Variants in ZBTB17 observed in about 807,000 individuals in gnomAD.
ZBTB17 encodes the protein zinc finger and BTB domain containing 17.
A neutral mutation model predicts 85.1 loss-of-function variants in ZBTB17; 24 were observed. The observed-to-expected ratio is 0.28, with a 90% CI of 0.20 to 0.40. The LOEUF is 0.40. ZBTB17 is among the 10% of genes least tolerant of loss of function. The probability of loss-of-function intolerance (pLI) is 1.00; values close to 1 mark genes in which losing one functional copy is unlikely to be tolerated. For synonymous variants in ZBTB17, 464 were observed against 460.2 expected (o/e 1.01, Z -0.11); for missense variants, 743 against 1,105.1 (o/e 0.67, Z 4.65).
In ZBTB17 at chr1:15,942,524, C is replaced by T. The variant is rs1166143191; in HGVS notation, c.2038+5G>A. 2.5e-6 allele frequency: 4 copies of T among 1,610,368 alleles called. No individual in the cohort carries two copies. The highest frequency in any genetic ancestry group is 2.7e-5 in the African/African-American group (2 of 74,952). ...TGACTTCCCTCTGCTGCCCACAGCC[C>T]GCACCTGTGAGCTGAGTGACGGCTG... On this transcript the variant is annotated splice_donor_5th_base_variant and intron_variant, in intron 14 of 15. Coordinates refer to ENST00000375743, the MANE Select transcript of ZBTB17 (RefSeq NM_003443.3).
intron 2 of ZBTB17, among the ~76,000 whole-genome samples, chr1:15,962,911 C>T (rs2072311264): frequency 6.6e-6 from 1 of 152,054 alleles, no homozygotes; most frequent in Non-Finnish European, 1.5e-5. Flanking sequence ...TATGAGTAAC[C>T]ACTGCACTCC....
At chr1:15,960,790 G>C (rs894041471) in intron 2 of ZBTB17, among the ~76,000 whole-genome samples, 4 of 152,238 alleles carry the variant, frequency 2.6e-5, no homozygotes, top group Admixed American at 2.0e-4. Flanking sequence ...ACTGGAAATG[G>C]ATGTAGCTGG....
intron 2 of ZBTB17, among the ~76,000 whole-genome samples, chr1:15,955,025 G>A (rs944191040): frequency 5.3e-5 from 8 of 151,822 alleles, no homozygotes; most frequent in African/African-American, 1.7e-4. Flanking sequence ...GTGGTGGTGC[G>A]CACCTGTAGT....
In ZBTB17 at chr1:15,944,438, C is replaced by T. The variant is rs761479272; in HGVS notation, c.1233G>A (p.Val411=). Residue 411 remains valine (V), a synonymous_variant, in exon 9 of 16, where the codon GTG becomes GTA. Transcript: ENST00000375743. ...TSGNLKRHQL[V]HSGEKPYQCD... The stretch of plus-strand genomic sequence containing the variant: ...ACTGGTAGGGCTTCTCGCCGCTGTG[C>T]ACCAGCTGGTGGCGCTTGAGGTTGC... 9 of 1,573,894 alleles carry T rather than the reference C, an allele frequency of 5.7e-6. No homozygotes were observed. Among genetic ancestry groups the T allele is most frequent in the Admixed American group, 1.9e-5 (1 of 53,560 alleles).
intron 2 of ZBTB17, among the ~76,000 whole-genome samples, chr1:15,963,794 G>C (rs1185532355): frequency 6.6e-6 from 1 of 152,110 alleles, no homozygotes; most frequent in Non-Finnish European, 1.5e-5. Flanking sequence ...AACAAATGCT[G>C]AACTAATGAT....
At position 15,942,037 on chromosome 1, in the gene ZBTB17, C is replaced by G; in HGVS notation, c.2344G>C (p.Ala782Pro). The change falls in exon 16 of 16, where the codon GCT (alanine) becomes CCT (proline). Residue 782 changes from alanine to proline, a missense_variant. Transcript: ENST00000375743. ...TCTGCCAGTGCGGGCTGGCCCTCAG[C>G]CCCGTCGCGAGGGCGGAAGACCAGC... ...GELVFRPRDG[A>P]EGQPALAETS... is the part of the protein sequence containing the mutation. The G allele has an allele frequency of 6.2e-7, 1 of 1,610,886 alleles. No homozygotes were observed. The highest frequency in any genetic ancestry group is 8.5e-7 in the Non-Finnish European group (1 of 1,179,944).
At chr1:15,969,531 G>C in intron 2 of ZBTB17, 1 of 350,572 alleles carries the variant, frequency 2.9e-6, no homozygotes, top group Non-Finnish European at 5.6e-6. Context: ...CGAGGCAGTA[G>C]TGTGGGGACT....
In ZBTB17 at chr1:15,951,596, C is replaced by T. The variant is rs895702460; in HGVS notation, c.-2-3099G>A. Among the ~76,000 whole-genome samples the T allele has an allele frequency of 2.6e-5, 4 of 152,266 alleles. No individual in the cohort carries two copies. Among genetic ancestry groups the T allele is most frequent in the African/African-American group, 9.6e-5 (4 of 41,544 alleles). On this transcript the variant is annotated intron_variant, in intron 2 of 15. Transcript: ENST00000375743. This position sits in a 1 kb window ranked among gnomAD's most constrained non-coding sequence, Gnocchi z 4.1. ...CTTTAACAGCCCCTCTCTCAAGGCC[C>T]GTGGCGAGACGGAGGCATGGCCGGC...
intron 2 of ZBTB17, among the ~76,000 whole-genome samples, chr1:15,955,079 G>A (rs948111772): frequency 6.6e-6 from 1 of 151,426 alleles, no homozygotes; most frequent in Non-Finnish European, 1.5e-5. Context: ...ACTTGAACCC[G>A]GGAGGCGGAG....
intron 2 of ZBTB17, among the ~76,000 whole-genome samples, chr1:15,959,972 A>G (rs1313148052): frequency 6.6e-6 from 1 of 152,218 alleles, no homozygotes; most frequent in East Asian, 1.9e-4. Context: ...GAATCAATGT[A>G]TCACTCAGGA....
At chr1:15,944,637 T>C in intron 8 of ZBTB17, 37 bp from the exon 9 acceptor site, 1 of 1,600,822 alleles carries the variant, frequency 6.2e-7, no homozygotes, top group Non-Finnish European at 8.5e-7. Flanking sequence ...CAGGGCTCGC[T>C]GGGGCGTGAA....
rs1428509151 is a variant in ZBTB17 at position 15,975,966 on chromosome 1, C to A, written c.-90+17G>T. 2.9e-6 allele frequency: 2 copies of A among 699,584 alleles called. No homozygotes were observed. The highest frequency in any genetic ancestry group is 1.5e-5 in the South Asian group (1 of 67,144). 43.3% of individuals were successfully genotyped at this position (699,584 alleles called of 1,614,324 possible). A position where few individuals can be genotyped will look rare whatever the true frequency, so the allele number is the denominator to read the frequency against. ...CTCCCGGGACTTCCCCGGCCCCGGG[C>A]GATTGTTGACACTCACCTGCCATGT... On this transcript the variant is annotated intron_variant, in intron 1 of 15. Coordinates refer to ENST00000375743, the MANE Select transcript of ZBTB17 (RefSeq NM_003443.3).
intron 3 of ZBTB17, 77 bp from the exon 4 acceptor site, chr1:15,947,200 C>A (rs2071645038): frequency 1.4e-6 from 2 of 1,425,174 alleles, no homozygotes; most frequent in South Asian, 1.3e-5. Context: ...CTCCACTCAG[C>A]AGCAGGACGC....
intron 2 of ZBTB17, among the ~76,000 whole-genome samples, chr1:15,963,908 C>A (rs1231426228): frequency 1.3e-5 from 2 of 151,748 alleles, no homozygotes; most frequent in Admixed American, 1.3e-4. Context: ...GAGTTCAAGA[C>A]CAGCCTGTCT....
Position 15,945,734 on chromosome 1 carries a change from C to T in ZBTB17, c.642G>A (p.Leu214=). ...GMAAAEAEAA[L]SESSEQEMEV... is the part of the protein sequence containing the mutation. ...GGCTACCTTGCTCCGAGCTCTCGGACAAAGCGGCCTCAGCTTCTGCAGCAG... is the reference window on the plus strand; with the variant it reads ...GGCTACCTTGCTCCGAGCTCTCGGATAAAGCGGCCTCAGCTTCTGCAGCAG... The change falls in exon 6 of 16, where the codon TTG becomes TTA. Residue 214 remains leucine (L), a synonymous_variant. Transcript: ENST00000375743. 1 of 1,607,258 alleles carries T rather than the reference C, an allele frequency of 6.2e-7. No individual in the cohort carries two copies. Among genetic ancestry groups the T allele is most frequent in the Non-Finnish European group, 8.5e-7 (1 of 1,179,846 alleles).
rs983078485 is a variant in ZBTB17, at chr1:15,964,853, C to T, written c.-3+8186G>A. 3.3e-5 allele frequency among the ~76,000 whole-genome samples: 5 copies of T among 152,178 alleles called. No individual in the cohort carries two copies. The East Asian group carries it at 5.8e-4, about 18-fold the overall frequency. The stretch of plus-strand genomic sequence containing the variant: ...AGAACAGGCCGGGCACGGTGGCTCA[C>T]GCCTATAATCCCAGCACTTTGGGAG... On this transcript the variant is annotated intron_variant, in intron 2 of 15. Coordinates refer to ENST00000375743, the MANE Select transcript of ZBTB17 (RefSeq NM_003443.3). The surrounding 1 kb of genome is among the most constrained non-coding windows in gnomAD (Gnocchi z 4.3).
At chr1:15,971,379 CACTATATATATATACACACTA>C (rs2072648930) in intron 2 of ZBTB17, among the ~76,000 whole-genome samples, 3 of 102,588 alleles carry the variant, frequency 2.9e-5, no homozygotes, top group African/African-American at 1.2e-4. Flanking sequence ...TATATACACA[CACTATATATATATACACACTA>C]TATATATACA....
intron 2 of ZBTB17, among the ~76,000 whole-genome samples, chr1:15,957,571 G>A (rs2072095730): frequency 6.6e-6 from 1 of 152,160 alleles, no homozygotes; most frequent in Non-Finnish European, 1.5e-5. Flanking sequence ...GTGACGAAGA[G>A]TGACAGAAAA....
At chr1:15,956,507 A>G (rs770791017) in intron 2 of ZBTB17, among the ~76,000 whole-genome samples, 7 of 152,252 alleles carry the variant, frequency 4.6e-5, no homozygotes, top group Non-Finnish European at 8.8e-5. Flanking sequence ...AAAAGCCACT[A>G]TGAAAAAGTG....
Sources: allele counts gnomAD v4.1 joint callset (sites outside exome capture counted in the v4.1 genomes callset), GRCh38; gene constraint gnomAD v4.1.1; non-coding constraint Gnocchi (gnomAD v3.1); transcripts MANE v1.5; gene names NCBI Gene and HGNC (gene_info 2026-07-23, HGNC 2026-07-21).